The following CMTM8 variants were observed in gnomAD, a reference collection of about 807,000 sequenced individuals.
The protein encoded by CMTM8 is CKLF-like MARVEL transmembrane domain-containing protein 8.
A neutral mutation model predicts 18.6 loss-of-function variants in CMTM8; 12 were observed. The observed-to-expected ratio is 0.65, with a 90% CI of 0.41 to 1.05. The LOEUF is 1.05. CMTM8 is among the 50% of genes least tolerant of loss of function. The probability of loss-of-function intolerance (pLI) is 0.00; values close to 1 mark genes in which losing one functional copy is unlikely to be tolerated. For missense variants in CMTM8, 217 were observed against 227.2 expected, an observed-to-expected ratio of 0.95 and a Z score of 0.29; for synonymous variants, 87 against 90.6, an observed-to-expected ratio of 0.96 and a Z score of 0.23.
At chr3:32,362,057 T>TTTTTTTTTTTTTG (rs1559390382) in intron 2 of CMTM8, among the ~76,000 whole-genome samples, 1 of 148,984 alleles carries the variant, frequency 6.7e-6, no homozygotes, top group African/African-American at 2.5e-5. Flanking sequence ...TTTTTTTTTT[T>TTTTTTTTTTTTTG]GGAGATGGAG....
intron 1 of CMTM8, among the ~76,000 whole-genome samples, chr3:32,253,284 A>C (rs1702137480): frequency 6.6e-6 from 1 of 150,560 alleles, no homozygotes; most frequent in Non-Finnish European, 1.5e-5. Context: ...ATTTTGTCTG[A>C]TTCTAATCCT....
chr3:32,350,770 G>T (rs867197328), intron 1 of CMTM8, among the ~76,000 whole-genome samples: 1 of 151,954 alleles, frequency 6.6e-6, no homozygotes, highest in Admixed American at 6.6e-5. Flanking sequence ...TGATCCAGCC[G>T]CCTCAGCCTC....
intron 1 of CMTM8, among the ~76,000 whole-genome samples, chr3:32,352,929 T>G (rs1696741114): frequency 6.6e-6 from 1 of 152,042 alleles, no homozygotes; most frequent in Admixed American, 6.5e-5. Context: ...AAATTTAGTC[T>G]GGTGAAGGTG....
chr3:32,240,913 A>G (rs1701938957), intron 1 of CMTM8, among the ~76,000 whole-genome samples: 1 of 152,008 alleles, frequency 6.6e-6, no homozygotes, highest in African/African-American at 2.4e-5. Context: ...TCAGCCTCCC[A>G]AGTAGCTGAG....
intron 1 of CMTM8, among the ~76,000 whole-genome samples, chr3:32,319,162 T>C (rs1695995744): frequency 7.0e-6 from 1 of 143,130 alleles, no homozygotes; most frequent in Non-Finnish European, 1.5e-5. Flanking sequence ...CACTGCAACC[T>C]CTGCCTCTCG....
intron 1 of CMTM8, among the ~76,000 whole-genome samples, chr3:32,347,142 A>G (rs1696612765): frequency 6.6e-6 from 1 of 152,116 alleles, no homozygotes; most frequent in African/African-American, 2.4e-5. Flanking sequence ...TTCGTTTATG[A>G]TTTAAGTCAA....
chr3:32,244,192 T>C (rs1701981462), intron 1 of CMTM8, among the ~76,000 whole-genome samples: 1 of 152,160 alleles, frequency 6.6e-6, no homozygotes, highest in South Asian at 2.1e-4. Context: ...AGATCTTACC[T>C]AAGGAGTTTT....
chr3:32,353,982 A>G lies in CMTM8; in HGVS notation c.148-3391A>G, dbSNP rs866870933. ...GTATTTTTAGTAGAGACGGGGTTTC[A>G]CCATGTTGGCCAGGATGGTCTTGAT... On this transcript the variant is annotated intron_variant, in intron 1 of 3. Coordinates refer to ENST00000307526, the MANE Select transcript of CMTM8 (RefSeq NM_178868.5). 2.0e-5 allele frequency among the ~76,000 whole-genome samples: 3 copies of G among 151,942 alleles called. No homozygotes were observed. In the South Asian group the frequency reaches 6.2e-4, roughly 32 times the overall value.
chr3:32,303,301 A>G (rs529057280), intron 1 of CMTM8, among the ~76,000 whole-genome samples: 1 of 152,320 alleles, frequency 6.6e-6, no homozygotes, highest in South Asian at 2.1e-4. Flanking sequence ...TTTGCTTGGA[A>G]TTCATTTCGT....
chr3:32,259,991 A>G, intron 1 of CMTM8: 2 of 1,106,700 alleles, frequency 1.8e-6, no homozygotes. Context: ...GCTGGCACTG[A>G]CCCAGGCAGA....
chr3:32,358,988 C>G lies in CMTM8; in HGVS notation c.321+1442C>G, dbSNP rs1316685868. On this transcript the variant is annotated intron_variant, in intron 2 of 3. Transcript: ENST00000307526. The surrounding 1 kb of genome is among the most constrained non-coding windows in gnomAD (Gnocchi z 4.1). ...AATGCCATTTTGGACAAAGTTGTGT[C>G]CTAGGGTGGGTCTTGAAGAAAGTGA... 6.6e-6 allele frequency among the ~76,000 whole-genome samples: 1 copy of G among 152,116 alleles called. No individual in the cohort carries two copies. Among genetic ancestry groups the G allele is most frequent in the Admixed American group, 6.5e-5 (1 of 15,274 alleles).
In CMTM8 at chr3:32,369,983, AT is replaced by A; in HGVS notation, c.*18del. On this transcript the variant is annotated 3_prime_UTR_variant, in exon 4 of 4. Transcript: ENST00000307526. ...CATACAGTGATTTACCATTTTGATAATTAAAAGGAAAAAAAAAGGAAGACTC... is the reference window on the plus strand; with the variant it reads ...CATACAGTGATTTACCATTTTGATAATAAAAGGAAAAAAAAAGGAAGACTC... The A allele has an allele frequency of 6.8e-7, 1 of 1,479,754 alleles. No homozygotes were observed. The highest frequency in any genetic ancestry group is 9.3e-7 in the Non-Finnish European group (1 of 1,073,760). 91.7% of individuals were successfully genotyped at this position (1,479,754 alleles called of 1,614,324 possible). A position where few individuals can be genotyped will look rare whatever the true frequency, so the allele number is the denominator to read the frequency against.
intron 1 of CMTM8, among the ~76,000 whole-genome samples, chr3:32,351,169 G>T (rs1338252096): frequency 6.6e-6 from 1 of 152,134 alleles, no homozygotes; most frequent in Non-Finnish European, 1.5e-5. Context: ...ATTGAATAAA[G>T]ATTCCGGAAA....
intron 1 of CMTM8, among the ~76,000 whole-genome samples, chr3:32,322,727 T>C (rs1331507002): frequency 6.6e-6 from 1 of 152,188 alleles, no homozygotes; most frequent in Non-Finnish European, 1.5e-5. Context: ...AGTGGCATAG[T>C]ACTCCCTGGG....
chr3:32,290,795 C>A (rs972017474), intron 1 of CMTM8, among the ~76,000 whole-genome samples: 12 of 152,192 alleles, frequency 7.9e-5, no homozygotes, highest in African/African-American at 2.9e-4. Context: ...GACAGAGGAA[C>A]AAGGCAGACT....
At chr3:32,256,801 C>T (rs1225833171) in intron 1 of CMTM8, among the ~76,000 whole-genome samples, 3 of 152,182 alleles carry the variant, frequency 2.0e-5, no homozygotes, top group Non-Finnish European at 4.4e-5. Context: ...CCTGATATTT[C>T]CTGGTGTTCC....
rs1292651050 is a variant in CMTM8, at chr3:32,306,799, G to C, written c.148-50574G>C. ...AATGCATTTAGACTCATGTTTTAGA[G>C]GGATTATCTTGGCAATAGTGTGAGG... On this transcript the variant is annotated intron_variant, in intron 1 of 3. Coordinates refer to ENST00000307526, the MANE Select transcript of CMTM8 (RefSeq NM_178868.5). 2.0e-5 allele frequency among the ~76,000 whole-genome samples: 3 copies of C among 152,274 alleles called. No individual in the cohort carries two copies. In the East Asian group the frequency reaches 5.8e-4, roughly 29 times the overall value.
intron 1 of CMTM8, among the ~76,000 whole-genome samples, chr3:32,245,818 G>C (rs1285511627): frequency 6.6e-6 from 1 of 152,048 alleles, no homozygotes; most frequent in African/African-American, 2.4e-5. Context: ...TTATTACTTT[G>C]AGATAGAGTC....
intron 1 of CMTM8, among the ~76,000 whole-genome samples, chr3:32,289,251 C>G (rs188816910): frequency 1.3e-4 from 20 of 152,318 alleles, no homozygotes; most frequent in Admixed American, 9.2e-4. Flanking sequence ...TTTAAAATCT[C>G]CTGATTAACC....
Sources: gnomAD v4.1 joint callset for allele counts (sites outside exome capture counted in the v4.1 genomes callset) on GRCh38, gnomAD v4.1.1 for gene constraint, Gnocchi (gnomAD v3.1) non-coding constraint, MANE v1.5 for transcripts, NCBI Gene and HGNC (gene_info 2026-07-23, HGNC 2026-07-21) for gene names.